The following ZSCAN25 variants were observed in gnomAD, a reference collection of about 807,000 sequenced individuals.
The protein encoded by ZSCAN25 is zinc finger and SCAN domain-containing protein 25.
In ZSCAN25, 27 loss-of-function variants were observed where a neutral mutation model predicts 38.7. The observed-to-expected ratio is 0.70, with a 90% confidence interval of 0.51 to 0.96. The LOEUF is 0.96. ZSCAN25 is among the 40% of genes least tolerant of loss of function. The pLI is 0.00. For missense variants in ZSCAN25, 637 were observed against 705.9 expected (o/e 0.90, Z 1.11); for synonymous variants, 273 against 277.7 (o/e 0.98, Z 0.17).
chr7:99,672,583 TC>T, the ZSCAN25 span: 1 of 1,613,232 alleles, frequency 6.2e-7, no homozygotes, highest in Non-Finnish European at 8.5e-7. Context: ...TGCTTACCCT[TC>T]GATTTGTGAA....
the ZSCAN25 span, chr7:99,714,440 C>T: frequency 2.0e-6 from 3 of 1,483,072 alleles, no homozygotes; most frequent in Admixed American, 2.1e-5. Context: ...AACATAAGTA[C>T]TCTTTATGTT....
the ZSCAN25 span, among the ~76,000 whole-genome samples, chr7:99,678,959 T>C: frequency 6.6e-6 from 1 of 152,204 alleles, no homozygotes; most frequent in Non-Finnish European, 1.5e-5. Context: ...GGGTTTGCCC[T>C]CCTGTACTGT....
the ZSCAN25 span, chr7:99,648,017 A>G: frequency 1.0e-6 from 1 of 985,440 alleles, no homozygotes; most frequent in Middle Eastern, 5.2e-4. Flanking sequence ...AGAGCTCAGG[A>G]GGAGTTGATA....
chr7:99,665,234 T>C, the ZSCAN25 span: 1 of 1,613,566 alleles, frequency 6.2e-7, no homozygotes, highest in South Asian at 1.1e-5. Context: ...CACAAAGGGG[T>C]CTTGTGGATT....
chr7:99,640,213 C>T, the ZSCAN25 span, among the ~76,000 whole-genome samples: 1 of 152,296 alleles, frequency 6.6e-6, no homozygotes, highest in South Asian at 2.1e-4. Flanking sequence ...GGCTGGAGTG[C>T]AATGGTGCGA....
At chr7:99,697,289 C>A in the ZSCAN25 span, among the ~76,000 whole-genome samples, 1 of 152,164 alleles carries the variant, frequency 6.6e-6, no homozygotes, top group Admixed American at 6.5e-5. Context: ...ACTCCCCCAA[C>A]TGAGGGTTCT....
the ZSCAN25 span, chr7:99,652,591 T>C: frequency 2.5e-6 from 4 of 1,613,872 alleles, no homozygotes; most frequent in South Asian, 3.3e-5. Context: ...TCCAGTACTT[T>C]GGGTCATGGT....
At chr7:99,702,741 G>A in the ZSCAN25 span, among the ~76,000 whole-genome samples, 1 of 152,156 alleles carries the variant, frequency 6.6e-6, no homozygotes, top group Non-Finnish European at 1.5e-5. Flanking sequence ...GTATTTTGTG[G>A]TTCTATAGAA....
chr7:99,623,272 C>G (rs1374937801), intron 6 of ZSCAN25, among the ~76,000 whole-genome samples: 2 of 152,150 alleles, frequency 1.3e-5, no homozygotes, highest in African/African-American at 2.4e-5. Flanking sequence ...AGGAATGTGG[C>G]TGACTCAGGG....
chr7:99,629,831 C>A lies in ZSCAN25; in HGVS notation c.1446C>A (p.Gly482=), dbSNP rs367645804. 3.7e-6 allele frequency: 6 copies of A among 1,614,130 alleles called. No individual in the cohort carries two copies. Among genetic ancestry groups the A allele is most frequent in the Non-Finnish European group, 5.1e-6 (6 of 1,179,998 alleles). The change falls in exon 8 of 8, where the codon GGC becomes GGA. Residue 482 remains glycine (G), a synonymous_variant. Transcript: ENST00000394152. The surrounding 1 kb of genome is among the most constrained non-coding windows in gnomAD (Gnocchi z 5.6). ...NLAVHRRAHT[G]EKPYGCQVCG... is the part of the protein sequence containing the mutation. Reference sequence around the variant, plus strand: ...CGGTGCACCGGCGTGCCCACACTGGCGAGAAGCCATATGGGTGCCAGGTGT... The same window carrying A: ...CGGTGCACCGGCGTGCCCACACTGGAGAGAAGCCATATGGGTGCCAGGTGT...
the ZSCAN25 span, chr7:99,705,516 G>A: frequency 2.5e-6 from 4 of 1,613,568 alleles, no homozygotes; most frequent in Non-Finnish European, 3.4e-6. Flanking sequence ...TCCACTTACG[G>A]TCTCATCCCT....
chr7:99,686,757 C>A, the ZSCAN25 span, among the ~76,000 whole-genome samples: 6 of 151,854 alleles, frequency 4.0e-5, no homozygotes, highest in South Asian at 1.0e-3. Flanking sequence ...GGCACCCCCC[C>A]CCCAGTAGGG....
chr7:99,679,981 C>G, the ZSCAN25 span: 8 of 1,182,738 alleles, frequency 6.8e-6, no homozygotes, highest in Middle Eastern at 3.8e-4. Context: ...CCTGGAGCTT[C>G]CCTGCCCTGC....
the ZSCAN25 span, chr7:99,664,240 C>A: frequency 1.3e-6 from 1 of 769,430 alleles, no homozygotes; most frequent in South Asian, 1.8e-5. Flanking sequence ...GTTTGCCCTT[C>A]TTTCAGGCCG....
intron 1 of ZSCAN25, among the ~76,000 whole-genome samples, chr7:99,617,889 A>T (rs762191042): frequency 6.6e-6 from 1 of 152,248 alleles, no homozygotes; most frequent in Non-Finnish European, 1.5e-5. Flanking sequence ...ATGGGTAAAC[A>T]TTTGCACTGT....
At chr7:99,736,594 C>G in the ZSCAN25 span, among the ~76,000 whole-genome samples, 1 of 152,160 alleles carries the variant, frequency 6.6e-6, no homozygotes, top group Non-Finnish European at 1.5e-5. Flanking sequence ...GAAATGGATT[C>G]CATGACAAAC....
At chr7:99,664,249 C>T in the ZSCAN25 span, among the ~76,000 whole-genome samples, 2 of 152,132 alleles carry the variant, frequency 1.3e-5, no homozygotes, top group Non-Finnish European at 2.9e-5. Flanking sequence ...TCTTTCAGGC[C>T]GGCGACTGAG....
At chr7:99,726,228 T>G in the ZSCAN25 span, among the ~76,000 whole-genome samples, 1 of 152,142 alleles carries the variant, frequency 6.6e-6, no homozygotes, top group South Asian at 2.1e-4. Context: ...CATTAAAGCC[T>G]AATCACCCTT....
At chr7:99,717,235 C>A in the ZSCAN25 span, 1 of 1,613,840 alleles carries the variant, frequency 6.2e-7, no homozygotes, top group African/African-American at 1.3e-5. Flanking sequence ...CTCACCAACA[C>A]ATCTCCATAC....
Sources: allele counts gnomAD v4.1 joint callset (sites outside exome capture counted in the v4.1 genomes callset), GRCh38; gene constraint gnomAD v4.1.1; non-coding constraint Gnocchi (gnomAD v3.1); transcripts MANE v1.5; gene names NCBI Gene and HGNC (gene_info 2026-07-23, HGNC 2026-07-21).